Variants in PATJ observed in about 807,000 individuals in gnomAD.
PATJ encodes the protein inaD-like protein.
In PATJ, 190 loss-of-function variants were observed where a neutral mutation model predicts 224.9. The observed-to-expected ratio is 0.84, with a 90% confidence interval of 0.75 to 0.95. The LOEUF (loss-of-function observed/expected upper bound fraction) is 0.95. Among genes scored for constraint, PATJ ranks in the 40% least tolerant of loss-of-function variants. The probability of loss-of-function intolerance (pLI) is 0.00; values close to 1 mark genes in which losing one functional copy is unlikely to be tolerated. For synonymous variants in PATJ, 769 were observed against 820.3 expected (o/e 0.94, Z 1.07); for missense variants, 2,121 against 2,270.3 (o/e 0.93, Z 1.34).
intron 31 of PATJ, among the ~76,000 whole-genome samples, chr1:62,053,205 C>T (rs1051933051): frequency 6.6e-6 from 1 of 152,202 alleles, no homozygotes; most frequent in Admixed American, 6.5e-5. Flanking sequence ...TTTCATACTG[C>T]ACTTCACCAA....
intron 33 of PATJ, among the ~76,000 whole-genome samples, chr1:62,087,508 G>A (rs1660162105): frequency 6.6e-6 from 1 of 151,970 alleles, no homozygotes; most frequent in African/African-American, 2.4e-5. Flanking sequence ...TGGACCAAGG[G>A]TTTCAGGCTT....
chr1:61,987,862 C>T (rs1430746759), intron 27 of PATJ, among the ~76,000 whole-genome samples: 3 of 152,132 alleles, frequency 2.0e-5, no homozygotes, highest in Admixed American at 2.0e-4. Flanking sequence ...TTTGCTAATT[C>T]CAAAACATCT....
At chr1:61,871,465 A>ATGTATATACATATATATGCATATATATG (rs1553186054) in intron 20 of PATJ, among the ~76,000 whole-genome samples, 2 of 119,252 alleles carry the variant, frequency 1.7e-5, no homozygotes, top group Non-Finnish European at 3.5e-5. Flanking sequence ...GCGTATATAT[A>ATGTATATACATATATATGCATATATATG]TGTATATACA....
intron 21 of PATJ, among the ~76,000 whole-genome samples, chr1:61,879,302 G>C (rs967095557): frequency 2.0e-5 from 3 of 152,108 alleles, no homozygotes; most frequent in Admixed American, 2.0e-4. Flanking sequence ...ATGGGGTAAT[G>C]GCACAGATGG....
At chr1:61,933,078 A>T (rs1676268573) in intron 27 of PATJ, among the ~76,000 whole-genome samples, 1 of 152,184 alleles carries the variant, frequency 6.6e-6, no homozygotes, top group South Asian at 2.1e-4. Context: ...AAGTCTTATA[A>T]TTGAACTCTG....
At chr1:62,004,514 G>A (rs1004764775) in intron 28 of PATJ, among the ~76,000 whole-genome samples, 2 of 152,016 alleles carry the variant, frequency 1.3e-5, no homozygotes, top group African/African-American at 4.8e-5. Context: ...ATACCCTTAG[G>A]GAATGTTTTT....
At chr1:61,821,344 G>A (rs539625887) in intron 14 of PATJ, among the ~76,000 whole-genome samples, 19 of 152,234 alleles carry the variant, frequency 1.2e-4, no homozygotes, top group African/African-American at 3.4e-4. Flanking sequence ...ATGCCCGGCC[G>A]GAAAAACTAT....
intron 31 of PATJ, among the ~76,000 whole-genome samples, chr1:62,068,416 A>G (rs1464645078): frequency 6.6e-6 from 1 of 152,194 alleles, no homozygotes; most frequent in Non-Finnish European, 1.5e-5. Context: ...TGCTGCTGCC[A>G]GGGTTCTCTC....
At chr1:61,956,344 A>G (rs1051335017) in intron 27 of PATJ, among the ~76,000 whole-genome samples, 1 of 152,194 alleles carries the variant, frequency 6.6e-6, no homozygotes, top group African/African-American at 2.4e-5. Context: ...GTAAGATGGA[A>G]ATGTACGAGC....
chr1:61,949,927 C>T (rs760761189), intron 27 of PATJ, among the ~76,000 whole-genome samples: 4 of 150,696 alleles, frequency 2.7e-5, no homozygotes, highest in Non-Finnish European at 4.4e-5. Context: ...GGACCAGGCA[C>T]GGTGGCTCAT....
chr1:61,943,677 A>G (rs753712973), intron 27 of PATJ, among the ~76,000 whole-genome samples: 25 of 152,296 alleles, frequency 1.6e-4, no homozygotes, highest in East Asian at 7.7e-4. Flanking sequence ...AGCTGAACAA[A>G]AGGCAGCAGA....
intron 27 of PATJ, among the ~76,000 whole-genome samples, chr1:61,986,610 G>A (rs1437314255): frequency 2.6e-5 from 4 of 151,940 alleles, no homozygotes; most frequent in African/African-American, 7.3e-5. Context: ...TTGTACAAAC[G>A]GGGTCTCGCT....
chr1:61,822,512 T>C (rs932590286), intron 14 of PATJ, among the ~76,000 whole-genome samples: 40 of 152,122 alleles, frequency 2.6e-4, no homozygotes, highest in Non-Finnish European at 3.2e-4. Context: ...GAGGGCAGTC[T>C]TGAACCCCAG....
chr1:61,808,986 T>A (rs1654140894), intron 14 of PATJ, among the ~76,000 whole-genome samples: 1 of 152,182 alleles, frequency 6.6e-6, no homozygotes, highest in Non-Finnish European at 1.5e-5. Flanking sequence ...TTCCTAAAAA[T>A]CAAGACCCGG....
At chr1:62,025,532 C>A (rs1647688445) in intron 29 of PATJ, among the ~76,000 whole-genome samples, 1 of 152,148 alleles carries the variant, frequency 6.6e-6, no homozygotes, top group Non-Finnish European at 1.5e-5. Flanking sequence ...GAAAGACTCT[C>A]TTGGATGGCT....
intron 25 of PATJ, among the ~76,000 whole-genome samples, chr1:61,909,375 G>A (rs949702746): frequency 4.6e-5 from 7 of 152,200 alleles, no homozygotes; most frequent in African/African-American, 1.7e-4. Context: ...ATACTACAAT[G>A]TGCAACAGAA....
chr1:61,901,446 A>G lies in PATJ; in HGVS notation c.3368A>G (p.Asp1123Gly). The change falls in exon 24 of 44, where the codon GAT (aspartate) becomes GGT (glycine). Residue 1123 changes from aspartate (D) to glycine (G), a missense_variant. Transcript: ENST00000642238. ...AAGACGAACGCACTTAAAACTGGAG[A>G]TAAAATACTTGAGGTAAATGATGTT... ...AGKTNALKTG[D>G]KILEVSGVDL... The G allele has an allele frequency of 1.3e-6, 2 of 1,581,756 alleles. No homozygotes were observed. The highest frequency in any genetic ancestry group is 1.7e-4 in the Middle Eastern group (1 of 6,004).
At chr1:61,952,280 A>AGAGAGAGAGAGAT in intron 27 of PATJ, 3 of 456,104 alleles carry the variant, frequency 6.6e-6, no homozygotes, top group Non-Finnish European at 1.2e-5. Context: ...GAGAGAGAGA[A>AGAGAGAGAGAGAT]AAATAGGCCC....
At chr1:62,121,327 T>TTA (rs1665017739) in intron 38 of PATJ, 32 bp downstream of exon 38, 5 of 1,208,826 alleles carry the variant, frequency 4.1e-6, no homozygotes, top group Middle Eastern at 1.9e-4. Flanking sequence ...AGCAAAACTA[T>TTA]CCTGTTACCC....
Sources: allele counts gnomAD v4.1 joint callset (sites outside exome capture counted in the v4.1 genomes callset), GRCh38; gene constraint gnomAD v4.1.1; transcripts MANE v1.5; gene names NCBI Gene and HGNC (gene_info 2026-07-23, HGNC 2026-07-21).